ADAP1: variants seen among roughly 807,000 people sequenced by gnomAD.
The protein encoded by ADAP1 is arf-GAP with dual PH domain-containing protein 1.
ADAP1 carries 31 observed loss-of-function variants against 54.9 expected under a neutral mutation model. The observed-to-expected ratio is 0.56, with a 90% CI of 0.42 to 0.76. The LOEUF is 0.76. Ranked by LOEUF, ADAP1 falls within the 30% of genes least tolerant of loss-of-function variation. The pLI is 0.00. For synonymous variants in ADAP1, 313 were observed against 202.6 expected (o/e 1.55, Z -4.63); for missense variants, 535 against 512.4 (o/e 1.04, Z -0.42).
chr7:903,018 C>T (rs924102092), intron 6 of ADAP1, among the ~76,000 whole-genome samples: 2 of 152,262 alleles, frequency 1.3e-5, no homozygotes, highest in Middle Eastern at 3.4e-3. Context: ...ACGAGAAAGA[C>T]GTAGGACCCG....
chr7:907,058 T>C (rs1253087262), intron 4 of ADAP1, among the ~76,000 whole-genome samples: 2 of 151,964 alleles, frequency 1.3e-5, no homozygotes, highest in Admixed American at 1.3e-4. Context: ...TCCTCCCTCC[T>C]CCCTCAGCCG....
chr7:920,520 C>A lies in ADAP1; in HGVS notation c.306-470G>T, dbSNP rs936095222. ...CCCACCGTGCTGCCACCTTGCACCCCCCGTGCCGCCCTCCACCCGCCGTGC... is the reference window on the plus strand; with the variant it reads ...CCCACCGTGCTGCCACCTTGCACCCACCGTGCCGCCCTCCACCCGCCGTGC... On this transcript the variant is annotated intron_variant, in intron 3 of 10. Coordinates refer to ENST00000265846, the MANE Select transcript of ADAP1 (RefSeq NM_006869.4). This position sits in a 1 kb window ranked among gnomAD's most constrained non-coding sequence, Gnocchi z 4.5. Among the ~76,000 whole-genome samples the A allele has an allele frequency of 2.0e-5, 3 of 151,832 alleles. No homozygotes were observed. Among genetic ancestry groups the A allele is most frequent in the Non-Finnish European group, 4.4e-5 (3 of 67,928 alleles).
At chr7:904,076 A>AG in intron 6 of ADAP1, 50 bp downstream of exon 6, 1 of 1,601,852 alleles carries the variant, frequency 6.2e-7, no homozygotes, top group Non-Finnish European at 8.5e-7. Context: ...CCCGGGCCTG[A>AG]GGGCCCACCC....
chr7:908,978 G>A (rs1394032070), intron 4 of ADAP1, among the ~76,000 whole-genome samples: 1 of 152,200 alleles, frequency 6.6e-6, no homozygotes, highest in African/African-American at 2.4e-5. Flanking sequence ...GGGTGGGGAC[G>A]CGCCCCTGCC....
chr7:916,771 T>A lies in ADAP1; in HGVS notation c.388+3197A>T, dbSNP rs12532229. Among the ~76,000 whole-genome samples the A allele has an allele frequency of 4.0e-4, 61 of 151,894 alleles. 1 individual carries two copies. The highest frequency in any genetic ancestry group is 3.2e-4 in the Non-Finnish European group (22 of 67,928). On this transcript the variant is annotated intron_variant, in intron 4 of 10. Coordinates refer to ENST00000265846, the MANE Select transcript of ADAP1 (RefSeq NM_006869.4). Reference sequence around the variant, plus strand: ...AAGTGGGGGTTGGGGGGGCAGGAGCTGCCCTGGAGGAGGGCAGAGCCGACA... The same window carrying A: ...AAGTGGGGGTTGGGGGGGCAGGAGCAGCCCTGGAGGAGGGCAGAGCCGACA...
chr7:920,052 T>G lies in ADAP1; in HGVS notation c.306-2A>C. 6.2e-7 allele frequency: 1 copy of G among 1,604,754 alleles called. No homozygotes were observed. The highest frequency in any genetic ancestry group is 8.5e-7 in the Non-Finnish European group (1 of 1,179,126). ...CGGATCCACTGCTCTCGAAGGAGCC[T>G]GTGGGGAGAGGAGAGACTGAGCCAC... On this transcript the variant is annotated splice_acceptor_variant, in intron 3 of 10. Transcript: ENST00000265846. LOFTEE classifies it high-confidence loss of function. This position sits in a 1 kb window ranked among gnomAD's most constrained non-coding sequence, Gnocchi z 4.5.
rs567784446 is a variant in ADAP1, at chr7:926,543, T to G, written c.305+10A>C. ...TGACCATGGCCCTGACAAGGCCCCT[T>G]TGTACTCACTGGCAGTCGGAGGGCG... On this transcript the variant is annotated intron_variant, in intron 3 of 10. Transcript: ENST00000265846. The surrounding 1 kb of genome is among the most constrained non-coding windows in gnomAD (Gnocchi z 4.6). 2 of 1,530,344 alleles carry G rather than the reference T, an allele frequency of 1.3e-6. No homozygotes were observed. The highest frequency in any genetic ancestry group is 2.2e-5 in the Admixed American group (1 of 46,216). 94.8% of individuals were successfully genotyped at this position (1,530,344 alleles called of 1,614,324 possible).
intron 2 of ADAP1, among the ~76,000 whole-genome samples, chr7:932,684 TC>T (rs1292517079): frequency 1.3e-5 from 2 of 151,014 alleles, no homozygotes; most frequent in South Asian, 2.1e-4. Flanking sequence ...CATCCCAGTG[TC>T]CCCCCCTGGG....
At chr7:928,585 A>G (rs1846464578) in intron 2 of ADAP1, among the ~76,000 whole-genome samples, 3 of 152,210 alleles carry the variant, frequency 2.0e-5, no homozygotes, top group Admixed American at 2.0e-4. Context: ...AAGATGCACA[A>G]ATGGCCACTC....
At chr7:929,762 G>C (rs374407486) in intron 2 of ADAP1, among the ~76,000 whole-genome samples, 10 of 152,092 alleles carry the variant, frequency 6.6e-5, no homozygotes, top group East Asian at 3.9e-4. Context: ...TACGCTTTAC[G>C]GGAGTGAATT....
In ADAP1 at chr7:926,401, G is replaced by A. The variant is rs1009392560; in HGVS notation, c.305+152C>T. 19 of 587,318 alleles carry A rather than the reference G, an allele frequency of 3.2e-5. No individual in the cohort carries two copies. The highest frequency in any genetic ancestry group is 4.7e-4 in the Middle Eastern group (1 of 2,122). The allele number at this position is 587,318 out of a possible 1,614,324, so 36.4% of individuals were successfully genotyped here. A position where few individuals can be genotyped will look rare whatever the true frequency, so the allele number is the denominator to read the frequency against. ...CCGGTGGTGGCCAGCAGACACAGGC[G>A]GCACCTCGGGGTCTGGGGGACGCAG... On this transcript the variant is annotated intron_variant, in intron 3 of 10. Transcript: ENST00000265846. The surrounding 1 kb of genome is among the most constrained non-coding windows in gnomAD (Gnocchi z 4.6).
intron 4 of ADAP1, among the ~76,000 whole-genome samples, chr7:911,138 C>A (rs1845705665): frequency 6.6e-6 from 1 of 152,198 alleles, no homozygotes; most frequent in African/African-American, 2.4e-5. Context: ...CCCAGCTTCG[C>A]CCTGCGTGGA....
chr7:916,104 C>A (rs926485589), intron 4 of ADAP1, among the ~76,000 whole-genome samples: 5 of 152,236 alleles, frequency 3.3e-5, no homozygotes, highest in African/African-American at 1.2e-4. Context: ...AAGTCACATC[C>A]CGGCCCGACC....
intron 4 of ADAP1, among the ~76,000 whole-genome samples, chr7:906,722 ACGGGAC>A (rs1845437558): frequency 4.4e-5 from 1 of 22,518 alleles, no homozygotes; most frequent in African/African-American, 2.4e-4. Flanking sequence ...GACATCGGGG[ACGGGAC>A]ATGGGGGACA....
intron 1 of ADAP1, among the ~76,000 whole-genome samples, chr7:941,713 A>G (rs1211216205): frequency 2.6e-5 from 4 of 152,240 alleles, no homozygotes; most frequent in Non-Finnish European, 5.9e-5. Flanking sequence ...AATAACACAT[A>G]TATTCTCTCC....
chr7:949,870 G>A (rs181021981), intron 1 of ADAP1, among the ~76,000 whole-genome samples: 61 of 152,366 alleles, frequency 4.0e-4, no homozygotes, highest in Non-Finnish European at 6.5e-4. Flanking sequence ...AAACCAGGTA[G>A]GGGAAACCTG....
Position 946,712 on chromosome 7 carries a change from C to T in ADAP1, c.82+7684G>A, listed in dbSNP as rs1847149724. 6.6e-6 allele frequency among the ~76,000 whole-genome samples: 1 copy of T among 152,266 alleles called. No individual in the cohort carries two copies. Among genetic ancestry groups the T allele is most frequent in the East Asian group, 1.9e-4 (1 of 5,198 alleles). On this transcript the variant is annotated intron_variant, in intron 1 of 10. Coordinates refer to ENST00000265846, the MANE Select transcript of ADAP1 (RefSeq NM_006869.4). The surrounding 1 kb of genome is among the most constrained non-coding windows in gnomAD (Gnocchi z 4.3). ...GCCCCTCCAGGCTCTTCAGGGCCCTCGCACAGGGCCGACTCCTCTGCGGCC... is the reference window on the plus strand; with the variant it reads ...GCCCCTCCAGGCTCTTCAGGGCCCTTGCACAGGGCCGACTCCTCTGCGGCC...
At chr7:907,170 G>A (rs988381157) in intron 4 of ADAP1, among the ~76,000 whole-genome samples, 9 of 152,202 alleles carry the variant, frequency 5.9e-5, no homozygotes, top group South Asian at 4.1e-4. Context: ...GTGGCCTCAC[G>A]CACACCACAC....
chr7:922,013 G>C (rs1002700892), intron 3 of ADAP1, among the ~76,000 whole-genome samples: 1 of 152,194 alleles, frequency 6.6e-6, no homozygotes, highest in Admixed American at 6.5e-5. Flanking sequence ...GCAGCAGGAG[G>C]AAGCCTGGGA....
Sources: allele counts gnomAD v4.1 joint callset (sites outside exome capture counted in the v4.1 genomes callset), GRCh38; gene constraint gnomAD v4.1.1; non-coding constraint Gnocchi (gnomAD v3.1); transcripts MANE v1.5; gene names NCBI Gene and HGNC (gene_info 2026-07-23, HGNC 2026-07-21).